KLHL5: variants seen among roughly 807,000 people sequenced by gnomAD.
KLHL5 encodes kelch like family member 5.
Under a neutral mutation model 77.7 loss-of-function variants are expected in KLHL5, and 48 were observed. The ratio of observed to expected loss-of-function variants is 0.62; its 90% confidence interval spans 0.49 to 0.79. KLHL5 has a LOEUF of 0.79. Among genes scored for constraint, KLHL5 ranks in the 30% least tolerant of loss-of-function variants. KLHL5 has a pLI of 0.00. For missense variants in KLHL5, 723 were observed against 859.7 expected (o/e 0.84, Z 1.99); for synonymous variants, 260 against 297.0 (o/e 0.88, Z 1.28).
upstream of KLHL5, among the ~76,000 whole-genome samples, chr4:39,057,648 C>T (rs1717093123): frequency 6.6e-6 from 1 of 152,092 alleles, no homozygotes; most frequent in Admixed American, 6.5e-5. Flanking sequence ...GCTTCAAAAT[C>T]ATGCAATGCA....
chr4:39,091,795 C>T (rs1023724800), intron 5 of KLHL5, among the ~76,000 whole-genome samples: 5 of 148,956 alleles, frequency 3.4e-5, no homozygotes, highest in Admixed American at 6.7e-5. Context: ...CTCAGCCTCT[C>T]GAGTAGCTGA....
At chr4:39,078,734 T>G (rs1310943776) in intron 2 of KLHL5, among the ~76,000 whole-genome samples, 3 of 151,982 alleles carry the variant, frequency 2.0e-5, no homozygotes, top group African/African-American at 7.2e-5. Flanking sequence ...CAATGGACTT[T>G]GGGGACTTGG....
chr4:39,103,273 A>G lies in KLHL5; in HGVS notation c.1301-14A>G. 3.8e-6 allele frequency: 6 copies of G among 1,575,458 alleles called. No homozygotes were observed. The Admixed American group carries it at 6.9e-5, about 18-fold the overall frequency. On this transcript the variant is annotated splice_polypyrimidine_tract_variant and intron_variant, in intron 6 of 10. Coordinates refer to ENST00000504108, the MANE Select transcript of KLHL5 (RefSeq NM_015990.5). The stretch of plus-strand genomic sequence containing the variant: ...TAATTTCTATTTACATAACTTCTAT[A>G]TATTACTATGAAGGAGCAACAAGCA...
chr4:39,056,556 G>A (rs1479495334), intron 1 of KLHL5, among the ~76,000 whole-genome samples: 6 of 152,056 alleles, frequency 3.9e-5, no homozygotes, highest in Admixed American at 6.6e-5. Flanking sequence ...AGAAATTTTG[G>A]TGCCATGTGT....
the KLHL5 span, among the ~76,000 whole-genome samples, chr4:39,132,566 G>T: frequency 6.6e-6 from 1 of 151,238 alleles, no homozygotes; most frequent in African/African-American, 2.4e-5. Context: ...CGAGATCACC[G>T]CACTGCACTC....
the KLHL5 span, among the ~76,000 whole-genome samples, chr4:39,132,032 G>T: frequency 5.9e-5 from 9 of 152,282 alleles, no homozygotes; most frequent in African/African-American, 2.2e-4. Flanking sequence ...CCAGGGGATG[G>T]GATAGAGAAC....
chr4:39,050,436 TTC>T (rs901743772), intron 1 of KLHL5, among the ~76,000 whole-genome samples: 1 of 152,176 alleles, frequency 6.6e-6, no homozygotes, highest in African/African-American at 2.4e-5. Flanking sequence ...TAGGGCTACT[TTC>T]TCTCTCTCCA....
At chr4:39,133,297 T>C in the KLHL5 span, among the ~76,000 whole-genome samples, 1 of 152,166 alleles carries the variant, frequency 6.6e-6, no homozygotes, top group East Asian at 1.9e-4. Flanking sequence ...GCTTTAAGAT[T>C]TGAGCTAAAG....
At chr4:39,115,653 A>G (rs982831910) in intron 10 of KLHL5, 11 of 1,332,680 alleles carry the variant, frequency 8.3e-6, no homozygotes, top group Non-Finnish European at 1.1e-5. Flanking sequence ...CTGGAAAATA[A>G]AAACAAGGAT....
Position 39,103,423 on chromosome 4 carries a change from G to T in KLHL5, c.1437G>T (p.Leu479=). 1 of 1,614,186 alleles carries T rather than the reference G, an allele frequency of 6.2e-7. No individual in the cohort carries two copies. The highest frequency in any genetic ancestry group is 1.1e-5 in the South Asian group (1 of 91,082). Residue 479 remains leucine (L), a synonymous_variant, in exon 7 of 11, where the codon CTG becomes CTT. Transcript: ENST00000504108. The stretch of plus-strand genomic sequence containing the variant: ...ATGTGGTTGGAGGAAGAGATGGACT[G>T]AAGACTTTGAATACTGTAGAGTGCT... ...KLYVVGGRDG[L]KTLNTVECYN...
In KLHL5 at chr4:39,081,076, ATT is replaced by A; in HGVS notation, c.567-18_567-17del. 2 of 1,491,060 alleles carry A rather than the reference ATT, an allele frequency of 1.3e-6. No individual in the cohort carries two copies. Among genetic ancestry groups the A allele is most frequent in the Non-Finnish European group, 1.8e-6 (2 of 1,103,536 alleles). The allele number at this position is 1,491,060 out of a possible 1,614,324, so 92.4% of individuals were successfully genotyped here. A position where few individuals can be genotyped will look rare whatever the true frequency, so the allele number is the denominator to read the frequency against. ...AACATCAACTCGAATGTGGTCATTG[ATT>A]TTTTTTTTCCTAATGTGTTCACAGA... On this transcript the variant is annotated intron_variant, in intron 2 of 10. Transcript: ENST00000504108. This position sits in a 1 kb window ranked among gnomAD's most constrained non-coding sequence, Gnocchi z 4.3.
downstream of KLHL5, chr4:39,126,651 A>G (rs1162487120): frequency 2.2e-6 from 1 of 446,998 alleles, no homozygotes; most frequent in African/African-American, 2.0e-5. Context: ...GTTCCATTTG[A>G]CCATATTTCT....
chr4:39,125,532 T>C lies in KLHL5; in HGVS notation c.*4466T>C, dbSNP rs1423084073. Among the ~76,000 whole-genome samples the C allele has an allele frequency of 1.3e-5, 2 of 152,172 alleles. No individual in the cohort carries two copies. The highest frequency in any genetic ancestry group is 2.9e-5 in the Non-Finnish European group (2 of 68,026). On this transcript the variant is annotated 3_prime_UTR_variant, in exon 11 of 11. Transcript: ENST00000504108. ...TCAGCCATAAAGAGAAATGAGGGAC[T>C]GATACATGCTAAAGCATGGATGAGC...
intron 8 of KLHL5, chr4:39,112,655 T>TA (rs71643267): frequency 0.13 from 26,554 of 197,394 alleles, 2,017 homozygotes; most frequent in East Asian, 0.17. Context: ...TCTTAACTAT[T>TA]AAAAAAAAAG....
chr4:39,058,361 C>CGT (rs2109274054), upstream of KLHL5, among the ~76,000 whole-genome samples: 1 of 152,254 alleles, frequency 6.6e-6, no homozygotes, highest in East Asian at 1.9e-4. Flanking sequence ...AGCCAGGCAG[C>CGT]GTGGCTGTAA....
At chr4:39,048,143 A>G (rs145596303) in intron 1 of KLHL5, among the ~76,000 whole-genome samples, 356 of 152,364 alleles carry the variant, frequency 2.3e-3, no homozygotes, top group Non-Finnish European at 3.6e-3. Flanking sequence ...AGGTGGCAAG[A>G]GTATGGAAGG....
intron 1 of KLHL5, among the ~76,000 whole-genome samples, chr4:39,075,369 A>G (rs186267286): frequency 9.2e-5 from 14 of 152,026 alleles, no homozygotes; most frequent in Admixed American, 7.9e-4. Context: ...CAGAATGCCT[A>G]CTCTTCAAAT....
intron 1 of KLHL5, 34 bp from the exon 2 acceptor site, chr4:39,075,931 A>G: frequency 3.9e-6 from 6 of 1,554,436 alleles, no homozygotes; most frequent in Non-Finnish European, 5.2e-6. Flanking sequence ...TGTGATAGTG[A>G]TATTTCAAAA....
upstream of KLHL5, among the ~76,000 whole-genome samples, chr4:39,061,776 A>G (rs1577642272): frequency 6.6e-6 from 1 of 152,232 alleles, no homozygotes; most frequent in Non-Finnish European, 1.5e-5. Flanking sequence ...GCAGTGGCCC[A>G]TTTCTACTTA....
Sources: gnomAD v4.1 joint callset for allele counts (sites outside exome capture counted in the v4.1 genomes callset) on GRCh38, gnomAD v4.1.1 for gene constraint, Gnocchi (gnomAD v3.1) non-coding constraint, MANE v1.5 for transcripts, NCBI Gene and HGNC (gene_info 2026-07-23, HGNC 2026-07-21) for gene names.